The following DOCK8 variants were observed in gnomAD, a reference collection of about 807,000 sequenced individuals.
DOCK8 encodes dedicator of cytokinesis protein 8.
Under a neutral mutation model 245.6 loss-of-function variants are expected in DOCK8, and 141 were observed. The observed-to-expected ratio is 0.57, with a 90% confidence interval of 0.50 to 0.66. The LOEUF (loss-of-function observed/expected upper bound fraction) is 0.66, where lower values mean the gene tolerates loss of function less well. Ranked by LOEUF, DOCK8 falls within the 30% of genes least tolerant of loss-of-function variation. The probability of loss-of-function intolerance (pLI) is 0.00; values close to 1 mark genes in which losing one functional copy is unlikely to be tolerated. For missense variants in DOCK8, 2,965 were observed against 2,603.4 expected (o/e 1.14, Z -3.02); for synonymous variants, 1,168 against 970.2 (o/e 1.20, Z -3.79).
intron 2 of DOCK8, chr9:273,075 G>C (rs539114276): frequency 1.0e-6 from 1 of 985,238 alleles, no homozygotes; most frequent in Non-Finnish European, 1.2e-6. Flanking sequence ...CAATTTACGC[G>C]CCGTGTAACT....
At chr9:342,762 C>G (rs1367445806) in intron 14 of DOCK8, among the ~76,000 whole-genome samples, 1 of 152,146 alleles carries the variant, frequency 6.6e-6, no homozygotes, top group African/African-American at 2.4e-5. Flanking sequence ...GCCACCATGC[C>G]CATCCTGTTA....
chr9:276,433 A>G (rs2048349467), intron 2 of DOCK8, among the ~76,000 whole-genome samples: 1 of 151,928 alleles, frequency 6.6e-6, no homozygotes. Flanking sequence ...GGGGTTTTTA[A>G]AAACTATAAA....
At chr9:461,540 T>C (rs1422735298) in intron 46 of DOCK8, among the ~76,000 whole-genome samples, 2 of 132,092 alleles carry the variant, frequency 1.5e-5, no homozygotes, top group East Asian at 4.5e-4. Context: ...TTTTTTTTTT[T>C]TTTTTTTTTT....
At chr9:376,450 C>T in intron 19 of DOCK8, 145 bp downstream of exon 19, 1 of 716,644 alleles carries the variant, frequency 1.4e-6, no homozygotes, top group Non-Finnish European at 2.5e-6. Context: ...ATGCAAACCT[C>T]TTTAGGTTTC....
chr9:396,211 A>G (rs138096363), intron 24 of DOCK8, among the ~76,000 whole-genome samples: 228 of 152,296 alleles, frequency 1.5e-3, no homozygotes, highest in Middle Eastern at 3.4e-3. Context: ...CCTGCTCAAT[A>G]TATAATATAG....
intron 1 of DOCK8, among the ~76,000 whole-genome samples, chr9:255,323 A>T (rs1191007772): frequency 2.0e-5 from 3 of 152,202 alleles, no homozygotes; most frequent in African/African-American, 7.2e-5. Flanking sequence ...GCAGAAGGAA[A>T]TAAATTTCTG....
chr9:266,525 G>A (rs1430514673), intron 1 of DOCK8, among the ~76,000 whole-genome samples: 1 of 152,160 alleles, frequency 6.6e-6, no homozygotes, highest in Non-Finnish European at 1.5e-5. Context: ...ATACAGGACT[G>A]GGGTAGGTCC....
At chr9:365,478 AATC>A (rs1437177440) in intron 14 of DOCK8, 2 of 414,254 alleles carry the variant, frequency 4.8e-6, no homozygotes, top group African/African-American at 2.1e-5. Context: ...ACTTCTCAAA[AATC>A]ATGCCTTTAG....
At position 441,315 on chromosome 9, in the gene DOCK8, C is replaced by G. The variant is rs2057087076; in HGVS notation, c.5253C>G (p.Val1751=). 4 of 1,614,190 alleles carry G rather than the reference C, an allele frequency of 2.5e-6. No homozygotes were observed. The highest frequency in any genetic ancestry group is 2.5e-6 in the Non-Finnish European group (3 of 1,180,034). ...TGGLYETVNE[V]YKLVIPILEA... Reference sequence around the variant, plus strand: ...GCTTATATGAGACAGTTAATGAGGTCTACAAGCTGGTCATCCCCATCCTAG... The same window carrying G: ...GCTTATATGAGACAGTTAATGAGGTGTACAAGCTGGTCATCCCCATCCTAG... Residue 1751 remains valine, a synonymous_variant, in exon 41 of 48, where the codon GTC becomes GTG. Transcript: ENST00000432829.
chr9:447,821 C>G (rs755388202), intron 44 of DOCK8, among the ~76,000 whole-genome samples: 23 of 152,278 alleles, frequency 1.5e-4, no homozygotes, highest in Non-Finnish European at 2.9e-4. Context: ...TAGTGTTCAG[C>G]TGGGTAACCA....
At chr9:426,352 C>T (rs551702327) in intron 33 of DOCK8, among the ~76,000 whole-genome samples, 2 of 152,184 alleles carry the variant, frequency 1.3e-5, no homozygotes, top group South Asian at 4.1e-4. Context: ...CTTGGCTGAG[C>T]AACCTCAAGG....
Position 214,990 on chromosome 9 carries a change from C to G in DOCK8, c.14C>G (p.Pro5Arg), listed in dbSNP as rs1018736787. 11 of 1,599,080 alleles carry G rather than the reference C, an allele frequency of 6.9e-6. No homozygotes were observed. The highest frequency in any genetic ancestry group is 1.1e-5 in the South Asian group (1 of 89,578). Reference sequence around the variant, plus strand: ...CGCCGGCGGGCCATGGCCACTCTGCCGAGCGCAGAGCGCCGCGCGTTCGCG... The same window carrying G: ...CGCCGGCGGGCCATGGCCACTCTGCGGAGCGCAGAGCGCCGCGCGTTCGCG... MATL[P>R]SAERRAFALK... The change falls in exon 1 of 48, where the codon CCG (proline) becomes CGG (arginine). Residue 5 changes from proline (P) to arginine (R), a missense_variant. This residue lies in a region of DOCK8 where 2,825 missense variants were observed against 2,453.5 expected (regional missense o/e 1.15). Transcript: ENST00000432829.
At chr9:254,048 C>T (rs1438627510) in intron 1 of DOCK8, among the ~76,000 whole-genome samples, 3 of 152,194 alleles carry the variant, frequency 2.0e-5, no homozygotes, top group South Asian at 2.1e-4. Flanking sequence ...TAGGAAAGCA[C>T]TTTTCCTTAT....
intron 28 of DOCK8, 150 bp downstream of exon 28, chr9:407,219 T>G: frequency 8.2e-7 from 1 of 1,225,710 alleles, no homozygotes; most frequent in Non-Finnish European, 1.2e-6. Flanking sequence ...GAGAATATGG[T>G]ACCCATAAGC....
chr9:294,759 C>T (rs1199301618), intron 4 of DOCK8, among the ~76,000 whole-genome samples: 2 of 152,200 alleles, frequency 1.3e-5, no homozygotes, highest in African/African-American at 4.8e-5. Flanking sequence ...GATAAACAAA[C>T]TCTGGTAAAT....
chr9:450,081 A>G (rs1339269888), intron 45 of DOCK8, among the ~76,000 whole-genome samples, 154 bp downstream of exon 45: 1 of 152,240 alleles, frequency 6.6e-6, no homozygotes. Flanking sequence ...TGTAAGGTTT[A>G]GAAGACTTTT....
intron 35 of DOCK8, among the ~76,000 whole-genome samples, chr9:429,357 A>G (rs2056623165): frequency 6.6e-6 from 1 of 152,206 alleles, no homozygotes; most frequent in African/African-American, 2.4e-5. Context: ...CATCCTTCTC[A>G]GGACCATTTT....
chr9:233,107 T>G (rs1085321), intron 1 of DOCK8, among the ~76,000 whole-genome samples: 52,331 of 151,836 alleles, frequency 0.34, 10,616 homozygotes, highest in East Asian at 0.76. Context: ...TCTTTGTTCT[T>G]GCTGGTTTCA....
chr9:370,150 C>T lies in DOCK8; in HGVS notation c.1798-80C>T, dbSNP rs374768391. The stretch of plus-strand genomic sequence containing the variant: ...AAAATGCAGCTCTATGAGACCAGAA[C>T]ATCCTGTTGGCCTGATGATAGTCAA... On this transcript the variant is annotated intron_variant, in intron 15 of 47. Coordinates refer to ENST00000432829, the MANE Select transcript of DOCK8 (RefSeq NM_203447.4). 3.5e-5 allele frequency: 43 copies of T among 1,228,882 alleles called. 1 individual carries two copies. In the East Asian group the frequency reaches 8.1e-4, roughly 23 times the overall value. 76.1% of individuals were successfully genotyped at this position (1,228,882 alleles called of 1,614,324 possible). A position where few individuals can be genotyped will look rare whatever the true frequency, so the allele number is the denominator to read the frequency against.
Sources: gnomAD v4.1 joint callset for allele counts (sites outside exome capture counted in the v4.1 genomes callset) on GRCh38, gnomAD v4.1.1 for gene constraint, gnomAD v4.1.1 regional missense constraint, MANE v1.5 for transcripts, NCBI Gene and HGNC (gene_info 2026-07-23, HGNC 2026-07-21) for gene names.